Variants in LOXL2 observed in about 807,000 individuals in gnomAD.
The protein encoded by LOXL2 is lysyl oxidase homolog 2.
Under a neutral mutation model 93.0 loss-of-function variants are expected in LOXL2, and 70 were observed. The observed-to-expected ratio is 0.75, with a 90% confidence interval of 0.62 to 0.92. LOXL2 has a LOEUF of 0.92. Ranked by LOEUF, LOXL2 falls within the 40% of genes least tolerant of loss-of-function variation. The probability of loss-of-function intolerance (pLI) is 0.00; values close to 1 mark genes in which losing one functional copy is unlikely to be tolerated. For missense variants in LOXL2, 973 were observed against 1,054.9 expected, an observed-to-expected ratio of 0.92 and a Z score of 1.08; for synonymous variants, 438 against 413.2, an observed-to-expected ratio of 1.06 and a Z score of -0.73.
chr8:23,314,651 G>A lies in LOXL2; in HGVS notation c.1636+2298C>T, dbSNP rs188090419. Reference sequence around the variant, plus strand: ...CACTCTGGGGACTGTTGTGGGGTGCGGGGAGAGGGGAGGGATAGCACTGGG... The same window carrying A: ...CACTCTGGGGACTGTTGTGGGGTGCAGGGAGAGGGGAGGGATAGCACTGGG... On this transcript the variant is annotated intron_variant, in intron 9 of 13. Transcript: ENST00000389131. 8.7e-3 allele frequency among the ~76,000 whole-genome samples: 1,319 copies of A among 151,700 alleles called. 25 individuals carry two copies. The highest frequency in any genetic ancestry group is 0.073 in the East Asian group (379 of 5,158).
chr8:23,343,590 G>T (rs7013955), intron 3 of LOXL2, among the ~76,000 whole-genome samples: 4 of 152,138 alleles, frequency 2.6e-5, no homozygotes, highest in Non-Finnish European at 2.9e-5. Flanking sequence ...ACGTCTCCTC[G>T]CCATGGGCTT....
Position 23,319,992 on chromosome 8 carries a change from TTC to T in LOXL2, c.1361_1362del (p.Arg454LysfsTer95). ...YEGRVEVLVERNGSLVWGMVC... is the reference protein window; with the variant it reads ...YEGRVEVLVEXNGSLVWGMVC... ...ACCATCCCCCACACAAGGGACCCGT[TTC>T]TCTCCACCAGCACCTCCACTCGGCC... On this transcript the variant is annotated frameshift_variant, in exon 8 of 14. Transcript: ENST00000389131. LOFTEE classifies it high-confidence loss of function. 6.2e-7 allele frequency: 1 copy of T among 1,614,110 alleles called. No individual in the cohort carries two copies. Among genetic ancestry groups the T allele is most frequent in the Non-Finnish European group, 8.5e-7 (1 of 1,179,972 alleles).
At chr8:23,320,980 T>G (rs1163667863) in intron 7 of LOXL2, among the ~76,000 whole-genome samples, 2 of 152,206 alleles carry the variant, frequency 1.3e-5, no homozygotes, top group African/African-American at 4.8e-5. Context: ...CTCCTGAATC[T>G]GCTGTTATTC....
intron 1 of LOXL2, among the ~76,000 whole-genome samples, chr8:23,380,111 T>TA (rs1804658742): frequency 6.6e-6 from 1 of 152,164 alleles, no homozygotes; most frequent in South Asian, 2.1e-4. Context: ...AAAGACATCT[T>TA]AGGCCAGGCG....
intron 1 of LOXL2, among the ~76,000 whole-genome samples, chr8:23,371,635 C>G (rs1011770678): frequency 1.3e-5 from 2 of 151,278 alleles, no homozygotes; most frequent in African/African-American, 2.4e-5. Context: ...ACCTGTAGTC[C>G]CAGCTACTCG....
chr8:23,311,708 G>C (rs1223849375), intron 9 of LOXL2, among the ~76,000 whole-genome samples: 3 of 152,296 alleles, frequency 2.0e-5, no homozygotes, highest in East Asian at 3.9e-4. Flanking sequence ...CGAGTATTAC[G>C]ATGCTCTGTG....
intron 11 of LOXL2, among the ~76,000 whole-genome samples, chr8:23,302,432 A>G (rs187325593): frequency 5.3e-4 from 80 of 152,194 alleles, no homozygotes; most frequent in African/African-American, 1.9e-3. Context: ...TTTCTGTGAC[A>G]TCCTCAGCCT....
chr8:23,380,528 C>G (rs1284877186), intron 1 of LOXL2, among the ~76,000 whole-genome samples: 8 of 152,122 alleles, frequency 5.3e-5, no homozygotes, highest in Admixed American at 5.2e-4. Flanking sequence ...GAACAGCGCT[C>G]CTGAATTTTT....
intron 3 of LOXL2, among the ~76,000 whole-genome samples, chr8:23,353,871 G>T (rs550567811): frequency 6.6e-6 from 1 of 152,184 alleles, no homozygotes; most frequent in East Asian, 1.9e-4. Flanking sequence ...CAACTCACTC[G>T]ACACTTGCCC....
chr8:23,309,725 T>G lies in LOXL2; in HGVS notation c.1823A>C (p.Gln608Pro). 1 of 1,581,848 alleles carries G rather than the reference T, an allele frequency of 6.3e-7. No homozygotes were observed. Among genetic ancestry groups the G allele is most frequent in the Non-Finnish European group, 8.6e-7 (1 of 1,163,240 alleles). The change falls in exon 10 of 14, where the codon CAG becomes CCG. Residue 608 changes from glutamine (Q) to proline (P), a missense_variant. Transcript: ENST00000389131. Reference sequence around the variant, plus strand: ...GCCGTTCTTGGGCCGGAAGTCGGACTGGCCATTGTTGTGGATCTGGGAGGA... The same window carrying G: ...GCCGTTCTTGGGCCGGAAGTCGGACGGGCCATTGTTGTGGATCTGGGAGGA... Reference protein sequence around the residue: ...RFSSQIHNNGQSDFRPKNGRH... With the variant: ...RFSSQIHNNGPSDFRPKNGRH...
At chr8:23,370,208 C>A (rs1313928888) in intron 1 of LOXL2, among the ~76,000 whole-genome samples, 1 of 152,166 alleles carries the variant, frequency 6.6e-6, no homozygotes. Context: ...CAGCCTATAC[C>A]AGCTTCAGCT....
chr8:23,395,185 C>G (rs566729859), intron 1 of LOXL2, among the ~76,000 whole-genome samples: 1 of 152,060 alleles, frequency 6.6e-6, no homozygotes, highest in Middle Eastern at 3.4e-3. Context: ...ACCTGGGAGA[C>G]GGAGGTTGCA....
At chr8:23,326,069 G>A (rs1563190846) in intron 6 of LOXL2, among the ~76,000 whole-genome samples, 1 of 152,210 alleles carries the variant, frequency 6.6e-6, no homozygotes, top group Non-Finnish European at 1.5e-5. Flanking sequence ...TGTGGGTGTG[G>A]TCACTGAGTC....
intron 3 of LOXL2, among the ~76,000 whole-genome samples, chr8:23,359,513 C>T (rs1460892446): frequency 6.6e-6 from 1 of 152,136 alleles, no homozygotes; most frequent in African/African-American, 2.4e-5. Context: ...CACAGCCTGC[C>T]AACAACCATA....
rs192923948 is a variant in LOXL2, at chr8:23,371,481, A to G, written c.-83-3047T>C. On this transcript the variant is annotated intron_variant, in intron 1 of 13. Transcript: ENST00000389131. ...AAATGCATGGCAACTGGCTGGGTGC[A>G]GTGGCTCACGCCTGTAATCCCAGCA... 1.3e-3 allele frequency among the ~76,000 whole-genome samples: 195 copies of G among 152,238 alleles called. 2 individuals carry two copies. The East Asian group carries it at 0.018, about 14-fold the overall frequency.
chr8:23,386,850 C>T (rs28463435), intron 1 of LOXL2, among the ~76,000 whole-genome samples: 4,516 of 152,232 alleles, frequency 0.03, 234 homozygotes, highest in African/African-American at 0.099. Context: ...TCCCTCCACA[C>T]GCTCCAAATA....
chr8:23,377,884 T>C (rs1237873101), intron 1 of LOXL2, among the ~76,000 whole-genome samples: 1 of 152,202 alleles, frequency 6.6e-6, no homozygotes. Context: ...GGGTCTTGAC[T>C]CTTTATCCAA....
At chr8:23,320,470 G>C (rs1803476019) in intron 7 of LOXL2, among the ~76,000 whole-genome samples, 1 of 152,190 alleles carries the variant, frequency 6.6e-6, no homozygotes, top group African/African-American at 2.4e-5. Context: ...CTTGTCCCAT[G>C]GCTCTCCTGC....
intron 6 of LOXL2, among the ~76,000 whole-genome samples, 192 bp downstream of exon 6, chr8:23,328,190 A>G (rs1803614973): frequency 6.6e-6 from 1 of 152,130 alleles, no homozygotes; most frequent in African/African-American, 2.4e-5. Flanking sequence ...AATCTATAAA[A>G]TAGGGTCTCA....
Sources: allele counts gnomAD v4.1 joint callset (sites outside exome capture counted in the v4.1 genomes callset), GRCh38; gene constraint gnomAD v4.1.1; transcripts MANE v1.5; gene names NCBI Gene and HGNC (gene_info 2026-07-23, HGNC 2026-07-21).